Variants in POLQ observed in about 807,000 individuals in gnomAD.
The protein encoded by POLQ is epididymis secretory sperm binding protein.
In POLQ, 233 loss-of-function variants were observed where a neutral mutation model predicts 259.2. The ratio of observed to expected loss-of-function variants is 0.90; its 90% CI spans 0.81 to 1.00. The LOEUF is 1.00. POLQ is among the 50% of genes least tolerant of loss of function. The probability of loss-of-function intolerance (pLI) is 0.00; values close to 1 mark genes in which losing one functional copy is unlikely to be tolerated. For synonymous variants in POLQ, 1,025 were observed against 1,048.8 expected (o/e 0.98, Z 0.44); for missense variants, 2,871 against 3,051.6 (o/e 0.94, Z 1.39).
intron 7 of POLQ, among the ~76,000 whole-genome samples, chr3:121,524,590 C>G (rs909055552): frequency 6.6e-5 from 10 of 151,840 alleles, no homozygotes; most frequent in Non-Finnish European, 1.0e-4. Context: ...ATCAATCACA[C>G]CAGGCTGAGT....
intron 4 of POLQ, among the ~76,000 whole-genome samples, chr3:121,537,968 C>T (rs1403942263): frequency 1.3e-5 from 2 of 152,118 alleles, no homozygotes; most frequent in African/African-American, 4.8e-5. Context: ...GGCAGTCGTA[C>T]TACAAGGTAT....
intron 26 of POLQ, among the ~76,000 whole-genome samples, chr3:121,441,021 T>C (rs1035253922): frequency 1.3e-5 from 2 of 152,240 alleles, no homozygotes; most frequent in Admixed American, 6.5e-5. Flanking sequence ...TCAGTCATTA[T>C]GTCTTAAGCA....
In POLQ at chr3:121,509,895, T is replaced by A. The variant is rs376655487; in HGVS notation, c.1816+144A>T. Reference sequence around the variant, plus strand: ...TGAAGTTGCTAAATACAATACTGATTTACTAAAAATGAGTTGATACACTGC... The same window carrying A: ...TGAAGTTGCTAAATACAATACTGATATACTAAAAATGAGTTGATACACTGC... On this transcript the variant is annotated intron_variant, in intron 11 of 29. Coordinates refer to ENST00000264233, the MANE Select transcript of POLQ (RefSeq NM_199420.4). The A allele has an allele frequency of 1.1e-5, 9 of 818,576 alleles. No individual in the cohort carries two copies. The East Asian group carries it at 2.3e-4, about 21-fold the overall frequency. The allele number at this position is 818,576 out of a possible 1,614,324, so 50.7% of individuals were successfully genotyped here.
rs1560110594 is a variant in POLQ, at chr3:121,541,477, G to A, written c.346C>T (p.Pro116Ser). ...LEGKNLVYSAPTSAGKTLVAE... is the reference protein window; with the variant it reads ...LEGKNLVYSASTSAGKTLVAE... ...ACAAGAGTCTTCCCAGCACTTGTAG[G>A]AGCTAAAACATGATTATTCCACAAG... The change falls in exon 3 of 30, where the codon CCT becomes TCT. Residue 116 changes from proline (P) to serine (S), a missense_variant and splice_region_variant. Pro to Ser is a moderately conservative substitution (Grantham distance 74). Transcript: ENST00000264233. 6.3e-7 allele frequency: 1 copy of A among 1,589,706 alleles called. No homozygotes were observed. The highest frequency in any genetic ancestry group is 8.5e-7 in the Non-Finnish European group (1 of 1,172,068).
chr3:121,504,301 G>A (rs1369491665), intron 12 of POLQ, among the ~76,000 whole-genome samples: 1 of 151,896 alleles, frequency 6.6e-6, no homozygotes, highest in African/African-American at 2.4e-5. Context: ...TAATCTACGT[G>A]GACTATTTTC....
At chr3:121,467,686 A>G in intron 23 of POLQ, 46 bp from the exon 24 acceptor site, 1 of 1,585,920 alleles carries the variant, frequency 6.3e-7, no homozygotes, top group Non-Finnish European at 8.6e-7. Context: ...GCAGTCTCAA[A>G]TATATGAAAA....
At chr3:121,517,333 T>G (rs1048519842) in intron 9 of POLQ, among the ~76,000 whole-genome samples, 5 of 152,190 alleles carry the variant, frequency 3.3e-5, no homozygotes, top group South Asian at 2.1e-4. Context: ...ACGTCTCTGA[T>G]GTCAGCTGTA....
At chr3:121,455,735 A>G (rs544151095) in intron 25 of POLQ, among the ~76,000 whole-genome samples, 85 of 152,344 alleles carry the variant, frequency 5.6e-4, no homozygotes, top group Admixed American at 1.0e-3. Context: ...AATTGTGGCA[A>G]TAATCAATAG....
chr3:121,486,374 C>T (rs1183300023), intron 16 of POLQ, among the ~76,000 whole-genome samples: 2 of 151,536 alleles, frequency 1.3e-5, no homozygotes, highest in Non-Finnish European at 2.9e-5. Flanking sequence ...CACAGTGAAA[C>T]CCCATCTGTA....
At chr3:121,465,694 A>T (rs1482996196) in intron 24 of POLQ, among the ~76,000 whole-genome samples, 2 of 152,192 alleles carry the variant, frequency 1.3e-5, no homozygotes, top group Admixed American at 6.5e-5. Context: ...TATTACTATT[A>T]TTACAATCCA....
intron 7 of POLQ, among the ~76,000 whole-genome samples, chr3:121,527,755 C>G (rs2108815934): frequency 6.6e-6 from 1 of 152,298 alleles, no homozygotes; most frequent in South Asian, 2.1e-4. Flanking sequence ...GGAACACTTC[C>G]AGCATCACTA....
rs1372716245 is a variant in POLQ at position 121,533,088 on chromosome 3, G to A, written c.862C>T (p.Arg288Cys). Reference sequence around the variant, plus strand: ...ACTGACTCCAAAAGCGGTACAGGGCGAAAGTCGGTATGGTAGAGTTCAGCA... The same window carrying A: ...ACTGACTCCAAAAGCGGTACAGGGCAAAAGTCGGTATGGTAGAGTTCAGCA... ...LNAELYHTDF[R>C]PVPLLESVKV... The change falls in exon 6 of 30, where the codon CGC (arginine) becomes TGC (cysteine). Residue 288 changes from arginine (R) to cysteine (C), a missense_variant. Around this residue, in one of 3 missense-constraint regions of POLQ, gnomAD observed 783 missense variants for 906.2 expected, o/e 0.86. Transcript: ENST00000264233. The A allele has an allele frequency of 8.7e-6, 14 of 1,613,888 alleles. No homozygotes were observed. The highest frequency in any genetic ancestry group is 4.5e-5 in the East Asian group (2 of 44,890).
At chr3:121,543,973 A>C (rs1168152501) in intron 2 of POLQ, among the ~76,000 whole-genome samples, 1 of 149,304 alleles carries the variant, frequency 6.7e-6, no homozygotes, top group Non-Finnish European at 1.5e-5. Context: ...ACAGAGCAAG[A>C]CTCCATCTCA....
chr3:121,457,037 T>G (rs2047744987), intron 25 of POLQ, among the ~76,000 whole-genome samples: 1 of 152,082 alleles, frequency 6.6e-6, no homozygotes, highest in Non-Finnish European at 1.5e-5. Context: ...AAAACAGAAA[T>G]GTAGATCAAT....
chr3:121,448,996 C>G (rs1314987919), intron 26 of POLQ, among the ~76,000 whole-genome samples: 1 of 152,134 alleles, frequency 6.6e-6, no homozygotes, highest in Non-Finnish European at 1.5e-5. Context: ...AGTATATATA[C>G]TCAATAGTTT....
At chr3:121,525,687 A>C (rs1204826971) in intron 7 of POLQ, among the ~76,000 whole-genome samples, 2 of 152,218 alleles carry the variant, frequency 1.3e-5, no homozygotes, top group East Asian at 1.9e-4. Context: ...AGTCAGAAGC[A>C]GTCTTGAATA....
rs1196125491 is a variant in POLQ at position 121,488,907 on chromosome 3, G to A, written c.4024C>T (p.Leu1342=). 6.2e-7 allele frequency: 1 copy of A among 1,614,114 alleles called. No homozygotes were observed. Among genetic ancestry groups the A allele is most frequent in the Non-Finnish European group, 8.5e-7 (1 of 1,179,982 alleles). The part of the protein sequence containing the change: ...IQQMATENAK[L]GAKDTNLAAG... ...GCCAGGTTGGTGTCCTTTGCTCCTA[G>A]TTTGGCATTTTCAGTTGCCATCTGT... The change falls in exon 16 of 30, where the codon CTA becomes TTA. Residue 1342 remains leucine (L), a synonymous_variant. Transcript: ENST00000264233.
chr3:121,440,668 G>A (rs1327517370), intron 26 of POLQ, among the ~76,000 whole-genome samples: 1 of 152,194 alleles, frequency 6.6e-6, no homozygotes, highest in Non-Finnish European at 1.5e-5. Context: ...AAAACAAAAC[G>A]TAAAACTAAA....
chr3:121,529,494 G>A (rs1027783822), intron 7 of POLQ, 151 bp downstream of exon 7: 10 of 724,820 alleles, frequency 1.4e-5, no homozygotes, highest in East Asian at 1.3e-4. Flanking sequence ...TATTAGAATC[G>A]CAAAAGCACA....
Sources: allele counts gnomAD v4.1 joint callset (sites outside exome capture counted in the v4.1 genomes callset), GRCh38; gene constraint gnomAD v4.1.1; regional missense constraint gnomAD v4.1.1; transcripts MANE v1.5; gene names NCBI Gene and HGNC (gene_info 2026-07-23, HGNC 2026-07-21).